The following USP22 variants were observed in gnomAD, a reference collection of about 807,000 sequenced individuals.
USP22 encodes the protein ubiquitin carboxyl-terminal hydrolase 22.
Under a neutral mutation model 68.1 loss-of-function variants are expected in USP22, and 22 were observed. That is an observed-to-expected ratio of 0.32 (90% CI 0.23 to 0.46). USP22 has a LOEUF of 0.46. Ranked by LOEUF, USP22 falls within the 20% of genes least tolerant of loss-of-function variation. The pLI is 1.00. For synonymous variants in USP22, 279 were observed against 274.2 expected (o/e 1.02, Z -0.17); for missense variants, 433 against 695.8 (o/e 0.62, Z 4.25).
Position 20,999,989 on chromosome 17 carries a change from G to C in USP22, c.*3042C>G, listed in dbSNP as rs1913505632. The C allele has an allele frequency of 6.6e-6, 1 of 152,330 alleles. No homozygotes were observed. Among genetic ancestry groups the C allele is most frequent in the Non-Finnish European group, 1.5e-5 (1 of 68,178 alleles). The allele number at this position is 152,330 out of a possible 1,614,324, so 9.4% of individuals were successfully genotyped here. On this transcript the variant is annotated 3_prime_UTR_variant, in exon 13 of 13. Transcript: ENST00000261497. ...ACAGAGGGCCCCGGGGCCAGAGGGA[G>C]GCCGCCCACACTCCCAGCACATCAC... is the stretch of plus-strand genomic sequence containing the variant.
Position 21,039,032 on chromosome 17 carries a change from A to ACCTCCG in USP22, c.171+3627_171+3632dup, listed in dbSNP as rs1410501389. 2.8e-4 allele frequency among the ~76,000 whole-genome samples: 42 copies of ACCTCCG among 151,862 alleles called. 1 individual carries two copies. The East Asian group carries it at 7.5e-3, about 27-fold the overall frequency. ...AGTGGTGCGATCTCGGCTCACTGCA[A>ACCTCCG]CCTCCGCCTCCCTGGTTCAAGCGAT... On this transcript the variant is annotated intron_variant, in intron 1 of 12. Transcript: ENST00000261497.
chr17:21,037,298 C>A (rs1212470289), intron 1 of USP22, among the ~76,000 whole-genome samples: 1 of 152,206 alleles, frequency 6.6e-6, no homozygotes, highest in African/African-American at 2.4e-5. Flanking sequence ...ACAGAACTCC[C>A]CACCCCGGTA....
In USP22 at chr17:21,006,925, C is replaced by T. The variant is rs780836166; in HGVS notation, c.1293G>A (p.Glu431=). The change falls in exon 10 of 13, where the codon GAG becomes GAA. Residue 431 remains glutamate, a synonymous_variant. Transcript: ENST00000261497. ...KITTYVSFPL[E]LDMTPFMASS... is the part of the protein sequence containing the mutation. ...AGGCCATGAAAGGGGTCATGTCCAG[C>T]TCCAGGGGGAAGGACACATACGTGG... 8.1e-6 allele frequency: 13 copies of T among 1,609,282 alleles called. No homozygotes were observed. The South Asian group carries it at 1.4e-4, about 18-fold the overall frequency.
chr17:21,042,385 G>A (rs1290404716), intron 1 of USP22: 4 of 232,030 alleles, frequency 1.7e-5, no homozygotes, highest in Non-Finnish European at 3.3e-5. Context: ...GAGAGGAGGG[G>A]GAGGGGACAG....
rs555708713 is a variant in USP22, at chr17:21,035,523, A to T, written c.172-6849T>A. Among the ~76,000 whole-genome samples the T allele has an allele frequency of 3.3e-5, 5 of 151,896 alleles. No homozygotes were observed. The South Asian group carries it at 1.0e-3, about 32-fold the overall frequency. On this transcript the variant is annotated intron_variant, in intron 1 of 12. Coordinates refer to ENST00000261497, the MANE Select transcript of USP22 (RefSeq NM_015276.2). ...ATTTGTAGGAAATAGGACAAAAAAA[A>T]AACAAACCACAACACTTTGAACTTC...
chr17:21,040,384 CCAGT>C (rs1476998425), intron 1 of USP22, among the ~76,000 whole-genome samples: 2 of 152,142 alleles, frequency 1.3e-5, no homozygotes, highest in Non-Finnish European at 2.9e-5. Context: ...ATAAGTCCCC[CCAGT>C]CAGAGGAAAA....
At chr17:21,004,792 AGTGGAGCTGCGGGCAGCCAAG>A in intron 11 of USP22, 115 bp downstream of exon 11, 1 of 232,020 alleles carries the variant, frequency 4.3e-6, no homozygotes, top group Non-Finnish European at 8.8e-6. Context: ...GGCAGCCAAT[AGTGGAGCTGCGGGCAGCCAAG>A]CGGGAAGCAG....
intron 5 of USP22, among the ~76,000 whole-genome samples, chr17:21,017,577 CAGGAGGACACAGG>C (rs1488442993): frequency 4.6e-5 from 7 of 152,146 alleles, no homozygotes; most frequent in Non-Finnish European, 1.0e-4. Flanking sequence ...ACTCGCATAC[CAGGAGGACACAGG>C]AGGGTGACAC....
chr17:21,017,895 A>G, intron 5 of USP22, 47 bp downstream of exon 5: 1 of 1,598,536 alleles, frequency 6.3e-7, no homozygotes, highest in Non-Finnish European at 8.5e-7. Context: ...TTGAAGGTGA[A>G]AACAAAGTAA....
At chr17:21,016,472 C>G (rs1303839110) in intron 5 of USP22, among the ~76,000 whole-genome samples, 13 of 152,240 alleles carry the variant, frequency 8.5e-5, no homozygotes. Flanking sequence ...TGTGCAAATA[C>G]AGAATTCAGG....
In USP22 at chr17:21,038,398, G is replaced by A. The variant is rs1048016828; in HGVS notation, c.171+4267C>T. ...GAGGCATTGTTGGATGGCTGGGAGA[G>A]GTGGCTCATGCCTGTAATGCCAGCA... On this transcript the variant is annotated intron_variant, in intron 1 of 12. Transcript: ENST00000261497. Among the ~76,000 whole-genome samples, 72 of 151,908 alleles carry A rather than the reference G, an allele frequency of 4.7e-4. 3 individuals carry two copies. Among genetic ancestry groups the A allele is most frequent in the Non-Finnish European group, 8.8e-5 (6 of 68,000 alleles).
At chr17:21,030,065 T>C (rs2143618497) in intron 1 of USP22, among the ~76,000 whole-genome samples, 1 of 152,312 alleles carries the variant, frequency 6.6e-6, no homozygotes, top group Admixed American at 6.5e-5. Context: ...CCTCGGTATC[T>C]AGGAATTGAT....
At chr17:21,029,586 T>G (rs1972264070) in intron 1 of USP22, among the ~76,000 whole-genome samples, 1 of 152,060 alleles carries the variant, frequency 6.6e-6, no homozygotes, top group Non-Finnish European at 1.5e-5. Flanking sequence ...AACCACTGGG[T>G]AAAAAAATAC....
intron 2 of USP22, among the ~76,000 whole-genome samples, chr17:21,026,796 C>G (rs1271453025): frequency 7.4e-6 from 1 of 135,780 alleles, no homozygotes; most frequent in African/African-American, 2.8e-5. Context: ...GAGACCCTGT[C>G]TCCACAATTT....
chr17:21,031,396 A>C (rs1972289388), intron 1 of USP22, among the ~76,000 whole-genome samples: 1 of 152,248 alleles, frequency 6.6e-6, no homozygotes, highest in Admixed American at 6.5e-5. Context: ...ACTGAACAAA[A>C]CAACTAAACA....
At position 21,012,902 on chromosome 17, in the gene USP22, T is replaced by C; in HGVS notation, c.872A>G (p.Asn291Ser). 1 of 1,613,452 alleles carries C rather than the reference T, an allele frequency of 6.2e-7. No homozygotes were observed. The highest frequency in any genetic ancestry group is 8.5e-7 in the Non-Finnish European group (1 of 1,179,894). The change falls in exon 7 of 13, where the codon AAC becomes AGC. Residue 291 changes from asparagine (N) to serine (S), a missense_variant. Around this residue, in one of 4 missense-constraint regions of USP22, gnomAD observed 178 missense variants for 351.5 expected, o/e 0.51. Transcript: ENST00000261497. ...CTGGTCTATGATGCAGTTGCAGTGGTTGGGGTTGTTGGCCTTCTTCCCATT... is the reference window on the plus strand; with the variant it reads ...CTGGTCTATGATGCAGTTGCAGTGGCTGGGGTTGTTGGCCTTCTTCCCATT... Reference protein sequence around the residue: ...DDNGKKANNPNHCNCIIDQIF... With the variant: ...DDNGKKANNPSHCNCIIDQIF...
At chr17:21,043,311 CCCCCGGCA>C (rs1972475601), upstream of USP22, 1 of 85,410 alleles carries the variant, frequency 1.2e-5, no homozygotes, top group African/African-American at 5.2e-5. Context: ...CCCCCCCCCC[CCCCCGGCA>C]CCTTCGGCTA....
intron 2 of USP22, among the ~76,000 whole-genome samples, chr17:21,024,522 A>G (rs9896259): frequency 0.75 from 113,507 of 152,126 alleles, 42,829 homozygotes; most frequent in South Asian, 0.82. Flanking sequence ...CTCATACTGT[A>G]TACAAAAAAT....
intron 3 of USP22, among the ~76,000 whole-genome samples, chr17:21,020,384 C>T (rs1031199539): frequency 6.6e-6 from 1 of 152,116 alleles, no homozygotes; most frequent in Non-Finnish European, 1.5e-5. Context: ...ACGGTGGCGA[C>T]GGCAAGTGCA....
Sources: allele counts gnomAD v4.1 joint callset (sites outside exome capture counted in the v4.1 genomes callset), GRCh38; gene constraint gnomAD v4.1.1; regional missense constraint gnomAD v4.1.1; transcripts MANE v1.5; gene names NCBI Gene and HGNC (gene_info 2026-07-23, HGNC 2026-07-21).